The following ATG10 variants were observed in gnomAD, a reference collection of about 807,000 sequenced individuals.
The protein encoded by ATG10 is autophagy related 10, also known as ubiquitin-like-conjugating enzyme ATG10.
A neutral mutation model predicts 32.1 loss-of-function variants in ATG10; 30 were observed. That is an observed-to-expected ratio of 0.94 (90% CI 0.70 to 1.27). The LOEUF is 1.27. Among genes scored for constraint, ATG10 ranks in the 50% most tolerant of loss-of-function variants. The pLI is 0.00. For synonymous variants in ATG10, 87 were observed against 91.5 expected (o/e 0.95, Z 0.28); for missense variants, 233 against 262.3 (o/e 0.89, Z 0.77).
chr5:82,123,409 A>C (rs1288470064), intron 3 of ATG10, among the ~76,000 whole-genome samples: 1 of 152,080 alleles, frequency 6.6e-6, no homozygotes, highest in Non-Finnish European at 1.5e-5. Flanking sequence ...AAAAATAACT[A>C]TTAGGTACTA....
chr5:82,107,128 T>G (rs886847078), intron 3 of ATG10, among the ~76,000 whole-genome samples: 1 of 152,142 alleles, frequency 6.6e-6, no homozygotes, highest in Non-Finnish European at 1.5e-5. Context: ...TAAAAATATA[T>G]ATATAGATTA....
At chr5:82,005,877 A>G (rs1761975630) in intron 2 of ATG10, among the ~76,000 whole-genome samples, 1 of 152,150 alleles carries the variant, frequency 6.6e-6, no homozygotes, top group Admixed American at 6.5e-5. Flanking sequence ...TTTGTGTGTT[A>G]GTCTTTCAGA....
Position 82,237,629 on chromosome 5 carries a change from C to T in ATG10, c.454-14933C>T, listed in dbSNP as rs186878183. On this transcript the variant is annotated intron_variant, in intron 5 of 7. Coordinates refer to ENST00000282185, the MANE Select transcript of ATG10 (RefSeq NM_031482.5). Reference sequence around the variant, plus strand: ...TTGCACTCCGGCCTGGATGACAGAGCGAGATTCCTTCTCAAAAAAAAAAAA... The same window carrying T: ...TTGCACTCCGGCCTGGATGACAGAGTGAGATTCCTTCTCAAAAAAAAAAAA... Among the ~76,000 whole-genome samples the T allele has an allele frequency of 2.3e-4, 35 of 150,050 alleles. No individual in the cohort carries two copies. The East Asian group carries it at 4.7e-3, about 20-fold the overall frequency.
chr5:82,180,371 C>T (rs1486889835), intron 5 of ATG10, among the ~76,000 whole-genome samples: 1 of 152,168 alleles, frequency 6.6e-6, no homozygotes, highest in African/African-American at 2.4e-5. Flanking sequence ...ATTCCCTTCT[C>T]TGAAACCACT....
chr5:82,175,615 C>T lies in ATG10; in HGVS notation c.356-2875C>T, dbSNP rs114019728. Reference sequence around the variant, plus strand: ...TTTTTTAGTCATTGGCTTTAAGTGACGAATGTTAGTGATATGCATGTAGTG... The same window carrying T: ...TTTTTTAGTCATTGGCTTTAAGTGATGAATGTTAGTGATATGCATGTAGTG... On this transcript the variant is annotated intron_variant, in intron 4 of 7. Transcript: ENST00000282185. Among the ~76,000 whole-genome samples the T allele has an allele frequency of 5.3e-3, 800 of 152,108 alleles. 6 individuals carry two copies. Among genetic ancestry groups the T allele is most frequent in the African/African-American group, 0.015 (639 of 41,476 alleles).
Position 82,228,207 on chromosome 5 carries a change from CAA to C in ATG10, c.454-24342_454-24341del, listed in dbSNP as rs760841707. On this transcript the variant is annotated intron_variant, in intron 5 of 7. Coordinates refer to ENST00000282185, the MANE Select transcript of ATG10 (RefSeq NM_031482.5). The stretch of plus-strand genomic sequence containing the variant: ...CCTGGGCAACAGAGTGGGACCATCT[CAA>C]AAAAAAAAAAAAGTATGTATGTACT... Among the ~76,000 whole-genome samples the C allele has an allele frequency of 3.9e-4, 41 of 104,786 alleles. No homozygotes were observed. In the South Asian group the frequency reaches 6.4e-3, roughly 16 times the overall value. The allele number at this position is 104,786 out of a possible 152,430, so 68.7% of individuals were successfully genotyped here.
At chr5:82,076,378 A>G (rs899030938) in intron 3 of ATG10, among the ~76,000 whole-genome samples, 1 of 152,200 alleles carries the variant, frequency 6.6e-6, no homozygotes, top group Non-Finnish European at 1.5e-5. Flanking sequence ...TTAATTGTAA[A>G]ATCTTTTCAA....
intron 5 of ATG10, among the ~76,000 whole-genome samples, chr5:82,226,354 G>C (rs1371974725): frequency 2.0e-5 from 3 of 152,084 alleles, no homozygotes; most frequent in African/African-American, 7.2e-5. Context: ...AGGTACATGA[G>C]GGTTCTTTTT....
At chr5:81,981,738 T>C (rs1761053240) in intron 1 of ATG10, among the ~76,000 whole-genome samples, 1 of 152,244 alleles carries the variant, frequency 6.6e-6, no homozygotes, top group Admixed American at 6.5e-5. Context: ...TGATGTACAT[T>C]GATTTATAGA....
chr5:82,009,103 G>T (rs1762059016), intron 2 of ATG10, among the ~76,000 whole-genome samples: 1 of 152,164 alleles, frequency 6.6e-6, no homozygotes, highest in African/African-American at 2.4e-5. Context: ...TCCACAGTAT[G>T]GGTAGTCTTA....
chr5:82,192,016 G>A (rs193109847), intron 5 of ATG10, among the ~76,000 whole-genome samples: 15 of 152,320 alleles, frequency 9.8e-5, no homozygotes, highest in Middle Eastern at 3.4e-3. Flanking sequence ...CATAGTAGAT[G>A]CATTTGTGCA....
intron 3 of ATG10, among the ~76,000 whole-genome samples, chr5:82,162,463 G>T (rs549807800): frequency 3.9e-5 from 6 of 152,232 alleles, no homozygotes; most frequent in Admixed American, 6.5e-5. Flanking sequence ...GCCTTTTTCT[G>T]AGGATGGAAT....
intron 5 of ATG10, among the ~76,000 whole-genome samples, chr5:82,186,029 A>G (rs1034766312): frequency 6.6e-6 from 1 of 152,224 alleles, no homozygotes; most frequent in Admixed American, 6.5e-5. Context: ...TGATAATGAC[A>G]TCAATTTAGT....
chr5:82,145,701 C>T (rs924298146), intron 3 of ATG10, among the ~76,000 whole-genome samples: 3 of 151,626 alleles, frequency 2.0e-5, no homozygotes, highest in African/African-American at 7.3e-5. Context: ...TTTAAGATAA[C>T]ATTATAGTCT....
chr5:82,108,690 G>T (rs1256382300), intron 3 of ATG10, among the ~76,000 whole-genome samples: 1 of 152,012 alleles, frequency 6.6e-6, no homozygotes, highest in Non-Finnish European at 1.5e-5. Flanking sequence ...TATGATGTCA[G>T]TGTTGATAGG....
chr5:82,013,523 A>G (rs1446638844), intron 2 of ATG10, among the ~76,000 whole-genome samples: 2 of 152,148 alleles, frequency 1.3e-5, no homozygotes, highest in African/African-American at 4.8e-5. Context: ...CTCTGAGTAG[A>G]TACCCAGGTT....
intron 3 of ATG10, among the ~76,000 whole-genome samples, chr5:82,059,890 C>T (rs1014291934): frequency 6.6e-6 from 1 of 152,132 alleles, no homozygotes; most frequent in African/African-American, 2.4e-5. Flanking sequence ...CAATAACCAA[C>T]ATCAAATTTG....
chr5:82,174,828 G>A (rs1164488017), intron 4 of ATG10, among the ~76,000 whole-genome samples: 2 of 152,190 alleles, frequency 1.3e-5, no homozygotes, highest in Admixed American at 1.3e-4. Flanking sequence ...AGCAGGGGGT[G>A]CCAAACACAG....
At chr5:81,989,057 C>T (rs1476037809) in intron 2 of ATG10, among the ~76,000 whole-genome samples, 2 of 151,962 alleles carry the variant, frequency 1.3e-5, no homozygotes, top group East Asian at 3.9e-4. Flanking sequence ...GTCTTGAACT[C>T]CTGACCTTAA....
Sources: allele counts gnomAD v4.1 joint callset (sites outside exome capture counted in the v4.1 genomes callset), GRCh38; gene constraint gnomAD v4.1.1; transcripts MANE v1.5; gene names NCBI Gene and HGNC (gene_info 2026-07-23, HGNC 2026-07-21).